The following PDE10A variants were observed in gnomAD, a reference collection of about 807,000 sequenced individuals.
PDE10A encodes phosphodiesterase 10A.
A neutral mutation model predicts 97.7 loss-of-function variants in PDE10A; 39 were observed. The observed-to-expected ratio is 0.40, with a 90% confidence interval of 0.31 to 0.52. The LOEUF (loss-of-function observed/expected upper bound fraction) is 0.52, where lower values mean the gene tolerates loss of function less well. Among genes scored for constraint, PDE10A ranks in the 20% least tolerant of loss-of-function variants. PDE10A has a pLI of 0.56. For missense variants in PDE10A, 731 were observed against 1,047.8 expected, an observed-to-expected ratio of 0.70 and a Z score of 4.17; for synonymous variants, 371 against 376.8, an observed-to-expected ratio of 0.98 and a Z score of 0.18.
chr6:165,529,711 T>C (rs1782659504), intron 2 of PDE10A, among the ~76,000 whole-genome samples: 1 of 152,236 alleles, frequency 6.6e-6, no homozygotes, highest in Non-Finnish European at 1.5e-5. Flanking sequence ...ATTGAAGTAT[T>C]GTTCACTTTA....
chr6:165,506,885 T>C (rs1781226591), intron 2 of PDE10A, among the ~76,000 whole-genome samples: 1 of 152,210 alleles, frequency 6.6e-6, no homozygotes, highest in South Asian at 2.1e-4. Context: ...CTACTTTGCA[T>C]TGCATTCTCT....
At chr6:165,525,733 G>A (rs189293268) in intron 2 of PDE10A, among the ~76,000 whole-genome samples, 43 of 152,276 alleles carry the variant, frequency 2.8e-4, no homozygotes, top group African/African-American at 1.0e-3. Flanking sequence ...GGGGCCAAGT[G>A]GTGGTACTCA....
chr6:165,336,074 T>A, intron 21 of PDE10A, 49 bp downstream of exon 21: 2 of 1,327,334 alleles, frequency 1.5e-6, no homozygotes, highest in Non-Finnish European at 2.2e-6. Flanking sequence ...TATACAGATC[T>A]CAGTGTTGTT....
chr6:165,407,374 T>C (rs1583215366), intron 13 of PDE10A, among the ~76,000 whole-genome samples: 1 of 151,912 alleles, frequency 6.6e-6, no homozygotes, highest in Non-Finnish European at 1.5e-5. Flanking sequence ...TTAAATTCTA[T>C]ACATCCATTT....
At chr6:165,538,677 G>A (rs1783243876) in intron 2 of PDE10A, among the ~76,000 whole-genome samples, 1 of 152,100 alleles carries the variant, frequency 6.6e-6, no homozygotes, top group African/African-American at 2.4e-5. Context: ...AGACACTGCT[G>A]ATTGTCAAGG....
At chr6:165,395,398 C>T in intron 14 of PDE10A, 134 bp from the exon 15 acceptor site, 1 of 587,838 alleles carries the variant, frequency 1.7e-6, no homozygotes, top group Middle Eastern at 2.9e-4. Context: ...TTCCTGCCTT[C>T]TTAGCCACAT....
chr6:165,430,689 C>G (rs1210248194), intron 8 of PDE10A, among the ~76,000 whole-genome samples: 2 of 152,120 alleles, frequency 1.3e-5, no homozygotes, highest in African/African-American at 4.8e-5. Flanking sequence ...ACCCAAGTCT[C>G]TCTTTAGAAC....
intron 1 of PDE10A, among the ~76,000 whole-genome samples, chr6:165,926,365 A>G (rs1217976516): frequency 6.6e-6 from 1 of 152,186 alleles, no homozygotes; most frequent in Non-Finnish European, 1.5e-5. Flanking sequence ...CTAAATATGT[A>G]TGTCTCCTTT....
intron 1 of PDE10A, among the ~76,000 whole-genome samples, chr6:165,851,378 G>T (rs1780567968): frequency 1.3e-5 from 2 of 152,096 alleles, no homozygotes; most frequent in Admixed American, 1.3e-4. Flanking sequence ...AGATACCTGG[G>T]GCCTTCCTTA....
At chr6:165,552,149 C>T (rs1472347388) in intron 1 of PDE10A, among the ~76,000 whole-genome samples, 1 of 152,188 alleles carries the variant, frequency 6.6e-6, no homozygotes, top group Non-Finnish European at 1.5e-5. Flanking sequence ...TCCTACACTT[C>T]AAGACAGTCA....
chr6:165,364,240 T>G (rs1397477988), intron 18 of PDE10A, among the ~76,000 whole-genome samples: 1 of 152,204 alleles, frequency 6.6e-6, no homozygotes, highest in Non-Finnish European at 1.5e-5. Context: ...GGAAGGAAGG[T>G]GATTATGTCA....
rs1048118948 is a variant in PDE10A at position 165,482,437 on chromosome 6, G to A, written c.995-94C>T. The A allele has an allele frequency of 7.2e-6, 7 of 966,236 alleles. No individual in the cohort carries two copies. In the African/African-American group the frequency reaches 9.7e-5, roughly 13 times the overall value. The allele number at this position is 966,236 out of a possible 1,614,324, so 59.9% of individuals were successfully genotyped here. A position where few individuals can be genotyped will look rare whatever the true frequency, so the allele number is the denominator to read the frequency against. ...TCATTTGCTTTCAATAAACTTGAAG[G>A]GTTTTTTTGCAATGCTTCCTCTTAC... On this transcript the variant is annotated intron_variant, in intron 2 of 21. Transcript: ENST00000539869.
At chr6:165,619,366 AGTGTG>A (rs1337323285) in intron 1 of PDE10A, among the ~76,000 whole-genome samples, 15 of 117,942 alleles carry the variant, frequency 1.3e-4, no homozygotes, top group East Asian at 4.6e-4. Context: ...AGTCTAGTGT[AGTGTG>A]GTGTAGTGTA....
intron 5 of PDE10A, among the ~76,000 whole-genome samples, chr6:165,447,764 T>C (rs1263245594): frequency 2.0e-5 from 3 of 152,180 alleles, no homozygotes; most frequent in African/African-American, 7.2e-5. Context: ...TTAATAAACA[T>C]TCTTATCTGA....
At chr6:165,459,512 G>GATAC (rs1451733130) in intron 3 of PDE10A, among the ~76,000 whole-genome samples, 1 of 60,338 alleles carries the variant, frequency 1.7e-5, no homozygotes, top group Non-Finnish European at 3.3e-5. Flanking sequence ...TAGATAGATA[G>GATAC]ATAGATAGAT....
intron 1 of PDE10A, among the ~76,000 whole-genome samples, chr6:165,917,601 CT>C (rs1209281702): frequency 3.9e-5 from 6 of 152,154 alleles, no homozygotes; most frequent in African/African-American, 1.4e-4. Flanking sequence ...TGCTATCTAG[CT>C]TCCTAAAATG....
intron 1 of PDE10A, among the ~76,000 whole-genome samples, chr6:165,926,494 G>A (rs970788085): frequency 2.0e-5 from 3 of 152,240 alleles, no homozygotes; most frequent in South Asian, 2.1e-4. Context: ...CAAAATGTTC[G>A]ATTGACCTTT....
At chr6:165,522,595 C>T (rs1162400187) in intron 2 of PDE10A, among the ~76,000 whole-genome samples, 2 of 152,074 alleles carry the variant, frequency 1.3e-5, no homozygotes, top group Non-Finnish European at 2.9e-5. Context: ...CCTCAACAAA[C>T]TAGGCACTGG....
chr6:165,716,095 G>A (rs1792019792), intron 1 of PDE10A, among the ~76,000 whole-genome samples: 1 of 152,218 alleles, frequency 6.6e-6, no homozygotes, highest in Non-Finnish European at 1.5e-5. Context: ...CTGCCTTGCA[G>A]ACTGGATGAA....
Sources: gnomAD v4.1 joint callset for allele counts (sites outside exome capture counted in the v4.1 genomes callset) on GRCh38, gnomAD v4.1.1 for gene constraint, MANE v1.5 for transcripts, NCBI Gene and HGNC (gene_info 2026-07-23, HGNC 2026-07-21) for gene names.